Variants in CAMK1D observed in about 807,000 individuals in gnomAD.
The protein encoded by CAMK1D is calcium/calmodulin-dependent protein kinase type 1D.
A neutral mutation model predicts 47.7 loss-of-function variants in CAMK1D; 9 were observed. That is an observed-to-expected ratio of 0.19 (90% CI 0.11 to 0.33). CAMK1D has a LOEUF of 0.33. CAMK1D is among the 10% of genes least tolerant of loss of function. The pLI, the probability that CAMK1D is intolerant of heterozygous loss-of-function variation, is 1.00. For missense variants in CAMK1D, 291 were observed against 488.7 expected, an observed-to-expected ratio of 0.60 and a Z score of 3.81; for synonymous variants, 184 against 184.9, an observed-to-expected ratio of 0.99 and a Z score of 0.04.
At chr10:12,657,242 T>C (rs976931857) in intron 2 of CAMK1D, among the ~76,000 whole-genome samples, 4 of 152,054 alleles carry the variant, frequency 2.6e-5, no homozygotes, top group Non-Finnish European at 5.9e-5. Context: ...CTGGCCAACA[T>C]GGTGAAACCC....
At chr10:12,384,541 T>C (rs1371923746) in intron 1 of CAMK1D, among the ~76,000 whole-genome samples, 2 of 152,230 alleles carry the variant, frequency 1.3e-5, no homozygotes, top group Non-Finnish European at 2.9e-5. Flanking sequence ...ATTTATGGTT[T>C]ATTTTCTTTT....
In CAMK1D at chr10:12,414,786, G is replaced by A. The variant is rs565267647; in HGVS notation, c.92+64876G>A. On this transcript the variant is annotated intron_variant, in intron 1 of 10. Transcript: ENST00000619168. ...TCCTAGCTTTTTGCCTTGATTAGTT[G>A]AATGATTGATTGCCTTAATTCTCCA... Among the ~76,000 whole-genome samples the A allele has an allele frequency of 5.3e-4, 81 of 152,282 alleles. 1 individual carries two copies. The highest frequency in any genetic ancestry group is 5.2e-3 in the Admixed American group (80 of 15,298).
intron 1 of CAMK1D, among the ~76,000 whole-genome samples, chr10:12,491,567 G>T (rs1834383978): frequency 6.6e-6 from 1 of 152,086 alleles, no homozygotes; most frequent in African/African-American, 2.4e-5. Context: ...TCAGCCCTAG[G>T]TGTCCTGTTG....
At chr10:12,812,883 A>G (rs1202744702) in intron 6 of CAMK1D, among the ~76,000 whole-genome samples, 1 of 152,172 alleles carries the variant, frequency 6.6e-6, no homozygotes, top group Non-Finnish European at 1.5e-5. Flanking sequence ...CGGTATCTTA[A>G]AGCTGGAAAA....
At chr10:12,765,295 AG>A (rs1404471394) in intron 4 of CAMK1D, among the ~76,000 whole-genome samples, 1 of 152,184 alleles carries the variant, frequency 6.6e-6, no homozygotes, top group African/African-American at 2.4e-5. Context: ...ATGGTAAGGA[AG>A]GCTTTATTCA....
intron 2 of CAMK1D, among the ~76,000 whole-genome samples, chr10:12,608,975 T>C (rs1000142286): frequency 6.6e-6 from 1 of 152,252 alleles, no homozygotes; most frequent in African/African-American, 2.4e-5. Flanking sequence ...GGGCAGATGA[T>C]GCATGCCAGT....
At chr10:12,410,047 A>G (rs1028532786) in intron 1 of CAMK1D, among the ~76,000 whole-genome samples, 2 of 152,158 alleles carry the variant, frequency 1.3e-5, no homozygotes, top group African/African-American at 4.8e-5. Flanking sequence ...ATTCCTTTCT[A>G]TGGTTGAATA....
chr10:12,356,847 A>G (rs1269280561), intron 1 of CAMK1D, among the ~76,000 whole-genome samples: 1 of 152,076 alleles, frequency 6.6e-6, no homozygotes, highest in Non-Finnish European at 1.5e-5. Context: ...GCTAATGATG[A>G]CTGTGTCTCA....
At chr10:12,478,385 C>CCT (rs1833965270) in intron 1 of CAMK1D, among the ~76,000 whole-genome samples, 1 of 151,872 alleles carries the variant, frequency 6.6e-6, no homozygotes, top group Non-Finnish European at 1.5e-5. Context: ...TACTGCAGCC[C>CCT]CAACCTCGTG....
At chr10:12,599,978 T>A (rs553787100) in intron 2 of CAMK1D, among the ~76,000 whole-genome samples, 30 of 152,270 alleles carry the variant, frequency 2.0e-4, no homozygotes, top group African/African-American at 7.0e-4. Context: ...GGTGGCGTGT[T>A]CCTGTAGTCC....
intron 1 of CAMK1D, among the ~76,000 whole-genome samples, chr10:12,536,012 G>A (rs951724723): frequency 6.6e-6 from 1 of 152,066 alleles, no homozygotes; most frequent in African/African-American, 2.4e-5. Flanking sequence ...ACTTTGCATA[G>A]GGAGCTGGGA....
At chr10:12,482,147 ATCCTCTTAG>A (rs1564365645) in intron 1 of CAMK1D, among the ~76,000 whole-genome samples, 1 of 152,112 alleles carries the variant, frequency 6.6e-6, no homozygotes, top group African/African-American at 2.4e-5. Flanking sequence ...TACCTCTTTA[ATCCTCTTAG>A]CTTGTCTCTG....
chr10:12,664,506 T>C (rs1840368065), intron 2 of CAMK1D, among the ~76,000 whole-genome samples: 1 of 152,218 alleles, frequency 6.6e-6, no homozygotes, highest in Non-Finnish European at 1.5e-5. Context: ...TCCGCAATGA[T>C]AGCTAGGCAA....
rs1433086882 is a variant in CAMK1D, at chr10:12,534,592, CTT to C, written c.93-18632_93-18631del. Among the ~76,000 whole-genome samples the C allele has an allele frequency of 2.0e-5, 3 of 152,292 alleles. No individual in the cohort carries two copies. In the East Asian group the frequency reaches 5.8e-4, roughly 29 times the overall value. Reference sequence around the variant, plus strand: ...ATGCTGGCCAGACTGGTCTCGAACTCTTGACCTCAGTGATCTGCCCACCTCGG... The same window carrying C: ...ATGCTGGCCAGACTGGTCTCGAACTCGACCTCAGTGATCTGCCCACCTCGG... On this transcript the variant is annotated intron_variant, in intron 1 of 10. Transcript: ENST00000619168.
chr10:12,547,474 C>T (rs1211407415), intron 1 of CAMK1D, among the ~76,000 whole-genome samples: 1 of 152,148 alleles, frequency 6.6e-6, no homozygotes, highest in Admixed American at 6.5e-5. Flanking sequence ...TGTTTTACAG[C>T]CTATAGAGTG....
At chr10:12,419,122 A>G (rs971063397) in intron 1 of CAMK1D, among the ~76,000 whole-genome samples, 20 of 152,188 alleles carry the variant, frequency 1.3e-4, no homozygotes, top group Admixed American at 1.3e-3. Context: ...AATGAATGGC[A>G]TTCCCTCCTG....
intron 2 of CAMK1D, among the ~76,000 whole-genome samples, chr10:12,570,247 T>G (rs1396686065): frequency 6.6e-6 from 1 of 152,196 alleles, no homozygotes; most frequent in Non-Finnish European, 1.5e-5. Context: ...GTAAATAGTT[T>G]AGATTTGTCA....
chr10:12,742,013 G>A (rs921256000), intron 3 of CAMK1D, among the ~76,000 whole-genome samples: 1 of 152,174 alleles, frequency 6.6e-6, no homozygotes, highest in African/African-American at 2.4e-5. Flanking sequence ...CTGAAGGGGA[G>A]AGCAAGGCCA....
intron 3 of CAMK1D, among the ~76,000 whole-genome samples, chr10:12,700,914 A>G (rs1351125727): frequency 6.6e-6 from 1 of 152,210 alleles, no homozygotes; most frequent in Non-Finnish European, 1.5e-5. Context: ...CTTACATTCT[A>G]ATGTTCTTAA....
Sources: gnomAD v4.1 joint callset for allele counts (sites outside exome capture counted in the v4.1 genomes callset) on GRCh38, gnomAD v4.1.1 for gene constraint, MANE v1.5 for transcripts, NCBI Gene and HGNC (gene_info 2026-07-23, HGNC 2026-07-21) for gene names.